The following MPRIP variants were observed in gnomAD, a reference collection of about 807,000 sequenced individuals.
MPRIP encodes the protein myosin phosphatase Rho interacting protein, also known as myosin phosphatase Rho-interacting protein.
Under a neutral mutation model 234.9 loss-of-function variants are expected in MPRIP, and 59 were observed. The observed-to-expected ratio is 0.25, with a 90% CI of 0.20 to 0.31. MPRIP has a LOEUF of 0.31. Among genes scored for constraint, MPRIP ranks in the 10% least tolerant of loss-of-function variants. The pLI is 1.00. For synonymous variants in MPRIP, 1,144 were observed against 1,263.9 expected (o/e 0.91, Z 2.01); for missense variants, 2,436 against 3,071.0 (o/e 0.79, Z 4.89).
chr17:17,062,238 C>G (rs1207694631), intron 1 of MPRIP, among the ~76,000 whole-genome samples: 1 of 152,016 alleles, frequency 6.6e-6, no homozygotes, highest in Non-Finnish European at 1.5e-5. Context: ...CAAGATCTCC[C>G]CTATTGAAGC....
chr17:17,158,346 G>GT (rs1389643685), intron 13 of MPRIP, 86 bp from the exon 14 acceptor site: 2 of 1,182,110 alleles, frequency 1.7e-6, no homozygotes, highest in African/African-American at 3.1e-5. Context: ...CAGGGGCTGG[G>GT]TTGTGGCTCA....
At chr17:17,077,793 C>A in intron 2 of MPRIP, 4 of 480,852 alleles carry the variant, frequency 8.3e-6, no homozygotes, top group African/African-American at 2.0e-5. Context: ...AAGCCTCAAT[C>A]ACTCATGTGA....
At chr17:17,148,015 G>C (rs969003017) in intron 11 of MPRIP, among the ~76,000 whole-genome samples, 3 of 152,162 alleles carry the variant, frequency 2.0e-5, no homozygotes, top group African/African-American at 7.2e-5. Context: ...CCCACATGTG[G>C]AAAAACGTCT....
intron 23 of MPRIP, among the ~76,000 whole-genome samples, chr17:17,183,774 T>TCTGG (rs1321872801): frequency 6.6e-6 from 1 of 152,208 alleles, no homozygotes; most frequent in African/African-American, 2.4e-5. Context: ...TGCCTGAGCC[T>TCTGG]AAGCTGGCGA....
In MPRIP at chr17:17,164,121, G is replaced by A. The variant is rs1477320561; in HGVS notation, c.2530G>A (p.Ala844Thr). Reference sequence around the variant, plus strand: ...CGGTTTTTTTAAGACTGAAGTGGCCGCCTCCCCATCGGGTGCCTGGCAGAG... The same window carrying A: ...CGGTTTTTTTAAGACTGAAGTGGCCACCTCCCCATCGGGTGCCTGGCAGAG... ...EGYVLQTEVAASPSGAWQRLH... is the reference protein window; with the variant it reads ...EGYVLQTEVATSPSGAWQRLH... The change falls in exon 16 of 24, where the codon GCC becomes ACC. Residue 844 changes from alanine (A) to threonine (T), a missense_variant. Ala to Thr is a moderately conservative substitution (Grantham distance 58, BLOSUM62 0). Coordinates refer to ENST00000651222, the MANE Select transcript of MPRIP (RefSeq NM_001364716.4). 6 of 1,303,950 alleles carry A rather than the reference G, an allele frequency of 4.6e-6. No individual in the cohort carries two copies. The highest frequency in any genetic ancestry group is 5.5e-5 in the East Asian group (1 of 18,046). 80.8% of individuals were successfully genotyped at this position (1,303,950 alleles called of 1,614,324 possible).
At position 17,188,173 on chromosome 17, in the gene MPRIP, C is replaced by T. The variant is rs1190595953; in HGVS notation, c.*3279C>T. On this transcript the variant is annotated 3_prime_UTR_variant, in exon 24 of 24. Coordinates refer to ENST00000651222, the MANE Select transcript of MPRIP (RefSeq NM_001364716.4). ...AGAGGACGCGCTGTCCACAGCCTCC[C>T]GGGTCTGAGTGGATCATTGGGCAGG... 1.3e-5 allele frequency: 2 copies of T among 152,218 alleles called. No individual in the cohort carries two copies. The highest frequency in any genetic ancestry group is 6.5e-5 in the Admixed American group (1 of 15,284). 9.4% of individuals were successfully genotyped at this position (152,218 alleles called of 1,614,324 possible). A position where few individuals can be genotyped will look rare whatever the true frequency, so the allele number is the denominator to read the frequency against.
intron 15 of MPRIP, 50 bp downstream of exon 15, chr17:17,161,406 G>A: frequency 7.4e-7 from 1 of 1,346,800 alleles, no homozygotes; most frequent in Non-Finnish European, 1.0e-6. Flanking sequence ...GAGCTTCAGT[G>A]TGAAGGGTTC....
chr17:17,070,894 A>C (rs2089176356), intron 1 of MPRIP, among the ~76,000 whole-genome samples: 1 of 152,230 alleles, frequency 6.6e-6, no homozygotes, highest in Admixed American at 6.5e-5. Context: ...TTTTTCTGAC[A>C]GTGCTTCCGT....
At position 17,145,902 on chromosome 17, in the gene MPRIP, C is replaced by T. The variant is rs918753085; in HGVS notation, c.1504-134C>T. The T allele has an allele frequency of 9.5e-6, 8 of 841,872 alleles. No homozygotes were observed. The Admixed American group carries it at 1.7e-4, about 18-fold the overall frequency. 52.2% of individuals were successfully genotyped at this position (841,872 alleles called of 1,614,324 possible). On this transcript the variant is annotated intron_variant, in intron 9 of 23. Coordinates refer to ENST00000651222, the MANE Select transcript of MPRIP (RefSeq NM_001364716.4). ...AGCACCCACCAGGGTGAGGGGGCTG[C>T]ACAGGCTTGTCTGGCAGGTGGAGAA...
At chr17:17,177,538 C>T (rs1455489312) in intron 22 of MPRIP, 126 bp downstream of exon 22, 1 of 1,047,324 alleles carries the variant, frequency 9.5e-7, no homozygotes, top group Non-Finnish European at 1.4e-6. Context: ...CCAGGCATCC[C>T]AGTGGAGCAG....
chr17:17,142,579 C>T (rs762510090), intron 7 of MPRIP, 48 bp from the exon 8 acceptor site: 3 of 1,600,416 alleles, frequency 1.9e-6, no homozygotes, highest in Admixed American at 3.4e-5. Flanking sequence ...ACTGCCACCT[C>T]ACAGCTCACC....
chr17:17,068,898 T>C (rs1391376722), intron 1 of MPRIP, among the ~76,000 whole-genome samples: 3 of 152,302 alleles, frequency 2.0e-5, no homozygotes, highest in Middle Eastern at 3.4e-3. Flanking sequence ...TTTGTACTTA[T>C]TTTTCTAGGT....
At chr17:17,102,655 C>T (rs1308473763) in intron 3 of MPRIP, among the ~76,000 whole-genome samples, 1 of 152,154 alleles carries the variant, frequency 6.6e-6, no homozygotes, top group Non-Finnish European at 1.5e-5. Context: ...TATACACACC[C>T]CCAAGAGAGG....
chr17:17,126,635 T>C, intron 3 of MPRIP, 67 bp from the exon 4 acceptor site: 2 of 1,536,598 alleles, frequency 1.3e-6, no homozygotes, highest in South Asian at 2.5e-5. Flanking sequence ...AGGAATGGCC[T>C]GGGGCTGTAC....
chr17:17,106,576 C>G (rs2090067037), intron 3 of MPRIP, among the ~76,000 whole-genome samples: 1 of 152,188 alleles, frequency 6.6e-6, no homozygotes, highest in Admixed American at 6.5e-5. Context: ...ACCGGATCTT[C>G]CTGAGTCCCT....
chr17:17,142,928 C>T (rs2045362100), intron 8 of MPRIP, among the ~76,000 whole-genome samples, 163 bp downstream of exon 8: 1 of 152,182 alleles, frequency 6.6e-6, no homozygotes, highest in African/African-American at 2.4e-5. Context: ...AGGCCTGTCT[C>T]CTGCAGCTTC....
chr17:17,088,356 T>G (rs147563211), intron 3 of MPRIP, among the ~76,000 whole-genome samples: 79 of 152,354 alleles, frequency 5.2e-4, no homozygotes, highest in African/African-American at 1.8e-3. Flanking sequence ...GATAACGTAC[T>G]GGGCGTCTCC....
intron 16 of MPRIP, chr17:17,170,011 A>G (rs1235592591): frequency 6.6e-6 from 1 of 152,080 alleles, no homozygotes. Context: ...ACTCAGATCA[A>G]AATAAGACTT....
intron 12 of MPRIP, 27 bp downstream of exon 12, chr17:17,150,260 A>C (rs201350527): frequency 5.9e-6 from 9 of 1,533,536 alleles, no homozygotes; most frequent in Non-Finnish European, 7.2e-6. Context: ...AAGTGGGGCC[A>C]CAGGCTTGAC....
Sources: gnomAD v4.1 joint callset for allele counts (sites outside exome capture counted in the v4.1 genomes callset) on GRCh38, gnomAD v4.1.1 for gene constraint, MANE v1.5 for transcripts, NCBI Gene and HGNC (gene_info 2026-07-23, HGNC 2026-07-21) for gene names.